PDE8B: variants seen among roughly 807,000 people sequenced by gnomAD.
PDE8B encodes phosphodiesterase 8B, also known as high affinity cAMP-specific and IBMX-insensitive 3',5'-cyclic phosphodiesterase 8B.
A neutral mutation model predicts 101.3 loss-of-function variants in PDE8B; 26 were observed. The ratio of observed to expected loss-of-function variants is 0.26; its 90% CI spans 0.19 to 0.36. The LOEUF (loss-of-function observed/expected upper bound fraction) is 0.36, where lower values mean the gene tolerates loss of function less well. PDE8B is among the 10% of genes least tolerant of loss of function. The probability of loss-of-function intolerance (pLI) is 1.00; values close to 1 mark genes in which losing one functional copy is unlikely to be tolerated. For synonymous variants in PDE8B, 424 were observed against 429.3 expected, an observed-to-expected ratio of 0.99 and a Z score of 0.15; for missense variants, 810 against 1,163.1, an observed-to-expected ratio of 0.70 and a Z score of 4.42.
At chr5:77,411,333 A>G (rs951161672) in intron 14 of PDE8B, among the ~76,000 whole-genome samples, 2 of 152,256 alleles carry the variant, frequency 1.3e-5, no homozygotes, top group Non-Finnish European at 2.9e-5. Flanking sequence ...GATCCCGTCA[A>G]GATCTGAAGC....
At chr5:77,355,003 G>C (rs541313243) in intron 10 of PDE8B, among the ~76,000 whole-genome samples, 4 of 152,368 alleles carry the variant, frequency 2.6e-5, no homozygotes, top group African/African-American at 9.6e-5. Context: ...CCACTGGTCT[G>C]TGCTGTCCTT....
chr5:77,121,783 G>A, the PDE8B span, among the ~76,000 whole-genome samples: 4 of 152,212 alleles, frequency 2.6e-5, no homozygotes, highest in African/African-American at 9.6e-5. Flanking sequence ...TAGGATTACA[G>A]GTGTGAGCTA....
intron 10 of PDE8B, among the ~76,000 whole-genome samples, chr5:77,355,766 A>C (rs1272994907): frequency 6.6e-6 from 1 of 152,240 alleles, no homozygotes; most frequent in Non-Finnish European, 1.5e-5. Flanking sequence ...ACAGACAGGT[A>C]AACAGAATAA....
chr5:77,393,376 C>T (rs1378707762), intron 10 of PDE8B, among the ~76,000 whole-genome samples: 8 of 141,336 alleles, frequency 5.7e-5, no homozygotes, highest in African/African-American at 1.6e-4. Context: ...GCCTGGACGA[C>T]AGAGTGAGAC....
chr5:77,139,905 G>A, the PDE8B span: 1 of 152,112 alleles, frequency 6.6e-6, no homozygotes, highest in Non-Finnish European at 1.5e-5. Context: ...GGCTTGATCT[G>A]TTTCTTTACT....
intron 1 of PDE8B, among the ~76,000 whole-genome samples, chr5:77,227,569 T>C (rs1752665961): frequency 6.6e-6 from 1 of 151,774 alleles, no homozygotes; most frequent in Admixed American, 6.6e-5. Context: ...AGATGGGAAA[T>C]GAAAGATGGA....
intron 10 of PDE8B, among the ~76,000 whole-genome samples, chr5:77,371,119 A>G (rs1785013827): frequency 6.6e-6 from 1 of 152,140 alleles, no homozygotes; most frequent in African/African-American, 2.4e-5. Flanking sequence ...TATTTTAAGA[A>G]GTTTTTAGTT....
intron 10 of PDE8B, among the ~76,000 whole-genome samples, chr5:77,376,236 T>A (rs1786110492): frequency 6.6e-6 from 1 of 152,172 alleles, no homozygotes. Context: ...GCGAGTAGCT[T>A]GAATGTGTGA....
intron 16 of PDE8B, 106 bp downstream of exon 16, chr5:77,412,341 C>T (rs1036401593): frequency 1.6e-4 from 183 of 1,121,222 alleles, no homozygotes; most frequent in East Asian, 3.6e-4. Flanking sequence ...AGAGACCTCA[C>T]GGGTTCTGGC....
rs563028675 is a variant in PDE8B, at chr5:77,346,402, A to G, written c.876+1471A>G. The stretch of plus-strand genomic sequence containing the variant: ...TTTGCTTTGCACCTCCCTGTTTTGC[A>G]GTGTGCAGCTGGATTTGATTTCAGA... On this transcript the variant is annotated intron_variant, in intron 7 of 21. Transcript: ENST00000264917. Among the ~76,000 whole-genome samples the G allele has an allele frequency of 4.6e-5, 7 of 152,332 alleles. No homozygotes were observed. In the South Asian group the frequency reaches 1.5e-3, roughly 32 times the overall value.
chr5:77,397,927 A>G (rs1791421790), intron 10 of PDE8B, among the ~76,000 whole-genome samples: 1 of 150,376 alleles, frequency 6.6e-6, no homozygotes, highest in South Asian at 2.2e-4. Flanking sequence ...CTCCCCACAC[A>G]CTAACCAGAG....
intron 1 of PDE8B, among the ~76,000 whole-genome samples, chr5:77,282,031 T>G (rs2149855539): frequency 6.6e-6 from 1 of 152,230 alleles, no homozygotes; most frequent in Middle Eastern, 3.4e-3. Flanking sequence ...CATTTAACAG[T>G]CACGTCAACC....
intron 10 of PDE8B, among the ~76,000 whole-genome samples, chr5:77,385,668 T>C (rs946216675): frequency 6.6e-6 from 1 of 152,188 alleles, no homozygotes; most frequent in Non-Finnish European, 1.5e-5. Context: ...TCTGGTACAT[T>C]GTGTCTTTGT....
chr5:77,418,245 T>G lies in PDE8B; in HGVS notation c.1928T>G (p.Leu643Trp). ...KERVKGSLDQ[L>W]DEVAALIAAT... ...ATATCCCAGGGAAGCCTCGATCAGT[T>G]GGATGAGGTGGCAGCCCTCATTGCT... Residue 643 changes from leucine to tryptophan, a missense_variant, in exon 18 of 22, where the codon TTG becomes TGG. Coordinates refer to ENST00000264917, the MANE Select transcript of PDE8B (RefSeq NM_003719.5). The G allele has an allele frequency of 6.2e-7, 1 of 1,612,680 alleles. No homozygotes were observed. The highest frequency in any genetic ancestry group is 8.5e-7 in the Non-Finnish European group (1 of 1,178,672).
intron 1 of PDE8B, among the ~76,000 whole-genome samples, chr5:77,289,262 T>C (rs2149922388): frequency 6.6e-6 from 1 of 152,370 alleles, no homozygotes; most frequent in South Asian, 2.1e-4. Flanking sequence ...GATCAGCTGC[T>C]TCCCTTGAAA....
intron 10 of PDE8B, among the ~76,000 whole-genome samples, chr5:77,385,836 C>T (rs1479401735): frequency 5.0e-5 from 6 of 120,818 alleles, no homozygotes; most frequent in South Asian, 2.7e-4. Context: ...CTTGCACTGT[C>T]GCAGTGCAAT....
the PDE8B span, chr5:77,147,546 CA>C: frequency 3.6e-4 from 53 of 146,548 alleles, 1 homozygote; most frequent in South Asian, 3.2e-3. Flanking sequence ...TCTGTAATTG[CA>C]AAAAAAAAAG....
intron 3 of PDE8B, 142 bp from the exon 4 acceptor site, chr5:77,328,856 T>G (rs34282242): frequency 2.7e-6 from 2 of 738,608 alleles, no homozygotes; most frequent in East Asian, 5.4e-5. Flanking sequence ...GCATCTTTCT[T>G]TGTTGTCTTC....
chr5:77,419,700 T>C, intron 18 of PDE8B, 67 bp from the exon 19 acceptor site: 2 of 1,588,310 alleles, frequency 1.3e-6, no homozygotes, highest in Non-Finnish European at 1.7e-6. Context: ...TGTAGTGAAA[T>C]GGTGGCAGAA....
Sources: gnomAD v4.1 joint callset for allele counts (sites outside exome capture counted in the v4.1 genomes callset) on GRCh38, gnomAD v4.1.1 for gene constraint, MANE v1.5 for transcripts, NCBI Gene and HGNC (gene_info 2026-07-23, HGNC 2026-07-21) for gene names.